Variants in UQCRC2 observed in about 807,000 individuals in gnomAD.
UQCRC2 encodes the protein ubiquinol-cytochrome c reductase core protein 2.
In UQCRC2, 49 loss-of-function variants were observed where a neutral mutation model predicts 55.6. The observed-to-expected ratio is 0.88, with a 90% CI of 0.70 to 1.12. UQCRC2 has a LOEUF of 1.12. Among genes scored for constraint, UQCRC2 ranks in the 50% most tolerant of loss-of-function variants. The pLI is 0.00. For missense variants in UQCRC2, 506 were observed against 547.8 expected (o/e 0.92, Z 0.76); for synonymous variants, 193 against 192.0 (o/e 1.01, Z -0.04).
At chr16:21,963,196 G>A (rs1487667403) in intron 6 of UQCRC2, 2 of 194,612 alleles carry the variant, frequency 1.0e-5, no homozygotes, top group African/African-American at 4.7e-5. Context: ...TGCCATGTTG[G>A]TCAGACTGGA....
rs1898095657 is a variant in UQCRC2, at chr16:21,957,001, A to G, written c.34-234A>G. Among the ~76,000 whole-genome samples, 3 of 151,606 alleles carry G rather than the reference A, an allele frequency of 2.0e-5. No homozygotes were observed. In the South Asian group the frequency reaches 6.3e-4, roughly 32 times the overall value. ...GGAGAATGGCTTGAACCCAGGAGGTAGAGGTTGCAGTGAGCTGAGATTGCG... is the reference window on the plus strand; with the variant it reads ...GGAGAATGGCTTGAACCCAGGAGGTGGAGGTTGCAGTGAGCTGAGATTGCG... On this transcript the variant is annotated intron_variant, in intron 1 of 13. Coordinates refer to ENST00000268379, the MANE Select transcript of UQCRC2 (RefSeq NM_003366.4).
At chr16:21,976,276 T>A in intron 12 of UQCRC2, 33 bp downstream of exon 12, 2 of 1,542,848 alleles carry the variant, frequency 1.3e-6, no homozygotes, top group Non-Finnish European at 1.8e-6. Context: ...TTTTATGTTT[T>A]TGTTATTTGA....
intron 13 of UQCRC2, 57 bp from the exon 14 acceptor site, chr16:21,983,031 C>G: frequency 6.5e-6 from 9 of 1,388,950 alleles, no homozygotes; most frequent in Non-Finnish European, 9.1e-6. Flanking sequence ...AGTTCGCCTG[C>G]TTGATGATAT....
intron 12 of UQCRC2, chr16:21,980,202 T>C (rs1898684583): frequency 4.2e-6 from 1 of 239,504 alleles, no homozygotes; most frequent in South Asian, 8.7e-5. Flanking sequence ...ATGCAGAGGA[T>C]CCAGATTGCA....
intron 1 of UQCRC2, among the ~76,000 whole-genome samples, chr16:21,954,630 A>G (rs2141924011): frequency 6.6e-6 from 1 of 152,340 alleles, no homozygotes; most frequent in Non-Finnish European, 1.5e-5. Flanking sequence ...TTATGTGTCT[A>G]ATTTTAGCAC....
chr16:21,971,781 T>C (rs1898467340), intron 9 of UQCRC2, 142 bp from the exon 10 acceptor site: 2 of 1,343,922 alleles, frequency 1.5e-6, no homozygotes, highest in Non-Finnish European at 2.1e-6. Flanking sequence ...TTGTGTGTGT[T>C]TGGGGACAGG....
At position 21,972,124 on chromosome 16, in the gene UQCRC2, T is replaced by C; in HGVS notation, c.966+2T>C. ...AAGGCAACTCAGCAGCCATTTGATG[T>C]GAGTCTGAACAGTTGGTATCTCTCT... On this transcript the variant is annotated splice_donor_variant, in intron 10 of 13. Transcript: ENST00000268379. LOFTEE classifies it high-confidence loss of function. 6.2e-7 allele frequency: 1 copy of C among 1,612,150 alleles called. No individual in the cohort carries two copies. Among genetic ancestry groups the C allele is most frequent in the Non-Finnish European group, 8.5e-7 (1 of 1,179,058 alleles).
intron 10 of UQCRC2, 135 bp downstream of exon 10, chr16:21,972,257 T>C: frequency 8.6e-7 from 1 of 1,165,052 alleles, no homozygotes; most frequent in Non-Finnish European, 1.2e-6. Context: ...ATAGCCAGGC[T>C]TGATTTTAGT....
At chr16:21,963,125 A>G (rs1597954941) in intron 6 of UQCRC2, 2 of 325,618 alleles carry the variant, frequency 6.1e-6, no homozygotes, top group East Asian at 1.3e-4. Flanking sequence ...AGCAGCTGGA[A>G]TTATAGGTGT....
At chr16:21,966,569 CTTAG>C (rs1003828792) in intron 7 of UQCRC2, among the ~76,000 whole-genome samples, 2 of 152,130 alleles carry the variant, frequency 1.3e-5, no homozygotes, top group South Asian at 2.1e-4. Context: ...TCGTTTTATT[CTTAG>C]TTAGCTGTTA....
At position 21,980,579 on chromosome 16, in the gene UQCRC2, T is replaced by A; in HGVS notation, c.1157T>A (p.Val386Glu). ...CTGAAAGCTGGATACCTAATGTCAG[T>A]GGAGTCTTCTGAGTGTTTCCTGGAA... ...NKLKAGYLMS[V>E]ESSECFLEEV... The change falls in exon 13 of 14, where the codon GTG becomes GAG. Residue 386 changes from valine (V) to glutamate (E), a missense_variant. Coordinates refer to ENST00000268379, the MANE Select transcript of UQCRC2 (RefSeq NM_003366.4). 3.7e-6 allele frequency: 6 copies of A among 1,614,138 alleles called. No individual in the cohort carries two copies. The highest frequency in any genetic ancestry group is 5.1e-6 in the Non-Finnish European group (6 of 1,180,012).
intron 8 of UQCRC2, among the ~76,000 whole-genome samples, chr16:21,969,879 T>G (rs1196180778): frequency 6.6e-6 from 1 of 151,980 alleles, no homozygotes; most frequent in African/African-American, 2.4e-5. Context: ...TTTTTGTTTT[T>G]TTTTTTAAAG....
chr16:21,972,973 G>T (rs1047202069), intron 10 of UQCRC2, among the ~76,000 whole-genome samples: 1 of 152,176 alleles, frequency 6.6e-6, no homozygotes, highest in Admixed American at 6.5e-5. Context: ...GGTGGCGCAC[G>T]CCTGTAGTCC....
At chr16:21,968,805 G>T (rs1597960273) in intron 8 of UQCRC2, 120 bp downstream of exon 8, 1 of 738,704 alleles carries the variant, frequency 1.4e-6, no homozygotes, top group Non-Finnish European at 2.1e-6. Context: ...ATTTATGTCA[G>T]ACAGGCAATA....
rs1484636741 is a variant in UQCRC2 at position 21,958,572 on chromosome 16, G to A, written c.305G>A (p.Gly102Glu). The A allele has an allele frequency of 2.2e-5, 35 of 1,612,396 alleles. No homozygotes were observed. Among genetic ancestry groups the A allele is most frequent in the Non-Finnish European group, 2.6e-5 (31 of 1,179,606 alleles). ...KGASSFKITRGIEAVGGKLSV... is the reference protein window; with the variant it reads ...KGASSFKITREIEAVGGKLSV... ...GCTTCATCTTTCAAGATAACCCGTG[G>A]AATTGAAGCAGTTGGTGGCAAATTA... The change falls in exon 4 of 14, where the codon GGA becomes GAA. Residue 102 changes from glycine (G) to glutamate (E), a missense_variant. Physicochemically the swap from Gly to Glu is moderately conservative, Grantham distance 98. Coordinates refer to ENST00000268379, the MANE Select transcript of UQCRC2 (RefSeq NM_003366.4).
chr16:21,983,037 G>T (rs1385363627), intron 13 of UQCRC2, 51 bp from the exon 14 acceptor site: 16 of 1,515,434 alleles, frequency 1.1e-5, no homozygotes, highest in Admixed American at 1.7e-5. Flanking sequence ...CCTGCTTGAT[G>T]ATATATATTT....
chr16:21,957,199 T>G, intron 1 of UQCRC2, 36 bp from the exon 2 acceptor site: 28 of 1,602,044 alleles, frequency 1.7e-5, no homozygotes, highest in Non-Finnish European at 2.2e-5. Flanking sequence ...ACTGTTCTTG[T>G]GAGAAATACG....
intron 10 of UQCRC2, among the ~76,000 whole-genome samples, chr16:21,972,518 A>C (rs567576550): frequency 6.6e-6 from 1 of 152,286 alleles, no homozygotes; most frequent in African/African-American, 2.4e-5. Flanking sequence ...AACCAAGTGG[A>C]CAAGATGAAC....
At chr16:21,971,475 G>A (rs768326104) in intron 8 of UQCRC2, 50 bp from the exon 9 acceptor site, 21 of 1,411,278 alleles carry the variant, frequency 1.5e-5, no homozygotes, top group Admixed American at 2.0e-5. Flanking sequence ...TTTTACGATT[G>A]TGTTTTAGTA....
Sources: allele counts gnomAD v4.1 joint callset (sites outside exome capture counted in the v4.1 genomes callset), GRCh38; gene constraint gnomAD v4.1.1; transcripts MANE v1.5; gene names NCBI Gene and HGNC (gene_info 2026-07-23, HGNC 2026-07-21).